Variants in SP3 observed in about 807,000 individuals in gnomAD.
SP3 encodes transcription factor Sp3.
In SP3, 10 loss-of-function variants were observed where a neutral mutation model predicts 70.3. The observed-to-expected ratio is 0.14, with a 90% CI of 0.09 to 0.24. The LOEUF is 0.24. Ranked by LOEUF, SP3 falls within the 10% of genes least tolerant of loss-of-function variation. The pLI is 1.00. For missense variants in SP3, 825 were observed against 914.6 expected, an observed-to-expected ratio of 0.90 and a Z score of 1.26; for synonymous variants, 402 against 333.5, an observed-to-expected ratio of 1.21 and a Z score of -2.24.
At chr2:173,944,655 C>T (rs1405505288) in intron 4 of SP3, among the ~76,000 whole-genome samples, 1 of 152,246 alleles carries the variant, frequency 6.6e-6, no homozygotes, top group Non-Finnish European at 1.5e-5. Context: ...TATATCAACA[C>T]TCTAATGAAG....
At chr2:173,948,355 T>A (rs1011588089) in intron 4 of SP3, among the ~76,000 whole-genome samples, 5 of 152,188 alleles carry the variant, frequency 3.3e-5, no homozygotes, top group African/African-American at 9.7e-5. Context: ...AGAAATCTCA[T>A]GCTGTCTCAT....
At chr2:173,959,496 C>T (rs1574427419) in intron 3 of SP3, among the ~76,000 whole-genome samples, 1 of 152,188 alleles carries the variant, frequency 6.6e-6, no homozygotes, top group South Asian at 2.1e-4. Context: ...GAGGCTGAGG[C>T]GGGCAGATCA....
At chr2:173,963,164 C>T (rs1691140886) in intron 3 of SP3, 1 of 148,290 alleles carries the variant, frequency 6.7e-6, no homozygotes, top group Admixed American at 6.8e-5. Context: ...GTTTCATTTA[C>T]CCCCCTTACA....
At chr2:173,948,768 A>G (rs981482126) in intron 4 of SP3, among the ~76,000 whole-genome samples, 3 of 118,690 alleles carry the variant, frequency 2.5e-5, no homozygotes, top group Non-Finnish European at 4.4e-5. Flanking sequence ...ATAAATAATT[A>G]TAAGTCTCAA....
At position 173,965,234 on chromosome 2, in the gene SP3, CGGCGGCGGCGGGAGAGGATGCGGGA is replaced by C; in HGVS notation, c.-88_-64del. On this transcript the variant is annotated 5_prime_UTR_variant, in exon 1 of 7. Coordinates refer to ENST00000310015, the MANE Select transcript of SP3 (RefSeq NM_003111.5). ...CCTTACACATGGTGAGGAGCGAAGG[CGGCGGCGGCGGGAGAGGATGCGGGA>C]AGCGGCGGCGGACACGGCCGGAGCG... is the stretch of plus-strand genomic sequence containing the variant. 6.7e-7 allele frequency: 1 copy of C among 1,497,286 alleles called. No individual in the cohort carries two copies. 92.8% of individuals were successfully genotyped at this position (1,497,286 alleles called of 1,614,324 possible).
At chr2:173,945,536 A>C (rs897895357) in intron 4 of SP3, among the ~76,000 whole-genome samples, 1 of 152,222 alleles carries the variant, frequency 6.6e-6, no homozygotes, top group African/African-American at 2.4e-5. Flanking sequence ...ACAGTATACA[A>C]GAAGTATGCT....
intron 6 of SP3, among the ~76,000 whole-genome samples, chr2:173,912,308 C>A (rs1194924855): frequency 6.6e-6 from 1 of 152,172 alleles, no homozygotes; most frequent in Non-Finnish European, 1.5e-5. Flanking sequence ...ATAGTTTATT[C>A]GCTTAACCTA....
chr2:173,958,536 G>A (rs898429088), intron 3 of SP3, among the ~76,000 whole-genome samples: 1 of 147,796 alleles, frequency 6.8e-6, no homozygotes, highest in African/African-American at 2.5e-5. Context: ...GAATAAGCCT[G>A]AAATGAAAAG....
chr2:173,945,867 C>G (rs1690520960), intron 4 of SP3, among the ~76,000 whole-genome samples: 1 of 152,118 alleles, frequency 6.6e-6, no homozygotes. Flanking sequence ...TGGCTCATGC[C>G]TTAATCCCAG....
chr2:173,919,248 A>G (rs1180969860), intron 4 of SP3, among the ~76,000 whole-genome samples: 1 of 152,206 alleles, frequency 6.6e-6, no homozygotes, highest in Non-Finnish European at 1.5e-5. Context: ...CACTAAAGAC[A>G]ATAAATTAAT....
chr2:173,910,054 C>T lies in SP3; in HGVS notation c.2233G>A (p.Val745Ile). Residue 745 changes from valine (V) to isoleucine (I), a missense_variant, in exon 7 of 7, where the codon GTT (valine) becomes ATT (isoleucine). Val to Ile is a conservative substitution (Grantham distance 29). Coordinates refer to ENST00000310015, the MANE Select transcript of SP3 (RefSeq NM_003111.5). ...GTATTAACAGTTCCTATCCCTGAAA[C>T]AGAACCTTGTTGAATATTTGCAAGG... ...LILANIQQGS[V>I]SGIGTVNTSA... 1 of 1,612,982 alleles carries T rather than the reference C, an allele frequency of 6.2e-7. No homozygotes were observed. Among genetic ancestry groups the T allele is most frequent in the Non-Finnish European group, 8.5e-7 (1 of 1,179,564 alleles).
upstream of SP3, chr2:173,965,517 C>A: frequency 3.5e-6 from 1 of 284,876 alleles, no homozygotes; most frequent in Non-Finnish European, 6.6e-6. Context: ...AGGGGAGAGA[C>A]AATGAGCGGC....
intron 4 of SP3, among the ~76,000 whole-genome samples, chr2:173,927,241 T>G (rs1022171525): frequency 3.9e-5 from 6 of 152,006 alleles, no homozygotes; most frequent in Non-Finnish European, 8.8e-5. Context: ...AACATGAGAT[T>G]TGGGTGGGAC....
rs181645560 is a variant in SP3, at chr2:173,918,520, A to G, written c.1832+73T>C. On this transcript the variant is annotated intron_variant, in intron 5 of 6. Coordinates refer to ENST00000310015, the MANE Select transcript of SP3 (RefSeq NM_003111.5). ...ATAATTTCTCATAATTAAATGACAT[A>G]GCATGCAGTATTTCAAAAATCAGAA... 1.7e-3 allele frequency: 2,292 copies of G among 1,334,774 alleles called. 4 individuals carry two copies. The highest frequency in any genetic ancestry group is 2.1e-3 in the Non-Finnish European group (2,045 of 964,480). The allele number at this position is 1,334,774 out of a possible 1,614,324, so 82.7% of individuals were successfully genotyped here.
At chr2:173,918,334 G>C (rs1364912186) in intron 5 of SP3, among the ~76,000 whole-genome samples, 1 of 151,968 alleles carries the variant, frequency 6.6e-6, no homozygotes. Flanking sequence ...GCTAATTTCT[G>C]ATCAGTGTGG....
In SP3 at chr2:173,927,421, T is replaced by C. The variant is rs144121958; in HGVS notation, c.1640-8636A>G. Among the ~76,000 whole-genome samples the C allele has an allele frequency of 9.5e-3, 1,450 of 151,916 alleles. 27 individuals are homozygous for C. The highest frequency in any genetic ancestry group is 0.033 in the African/African-American group (1,369 of 41,432). ...CCTCCCGAGTAGCTGGGACTACAAGTGTCCGCCACCACGCCCGGCTAATTT... is the reference window on the plus strand; with the variant it reads ...CCTCCCGAGTAGCTGGGACTACAAGCGTCCGCCACCACGCCCGGCTAATTT... On this transcript the variant is annotated intron_variant, in intron 4 of 6. Transcript: ENST00000310015.
At chr2:173,961,828 A>G (rs1007488732) in intron 3 of SP3, among the ~76,000 whole-genome samples, 7 of 152,108 alleles carry the variant, frequency 4.6e-5, no homozygotes, top group Admixed American at 2.0e-4. Flanking sequence ...AATTTTTAGC[A>G]AATTTTCTAT....
upstream of SP3, chr2:173,965,426 C>A (rs1047313230): frequency 3.8e-6 from 2 of 532,710 alleles, no homozygotes; most frequent in Non-Finnish European, 6.7e-6. Flanking sequence ...CCGCCGTGCT[C>A]TTTGTCGGCT....
In SP3 at chr2:173,955,944, C is replaced by T. The variant is rs1189232930; in HGVS notation, c.568G>A (p.Gly190Ser). 23 of 1,614,074 alleles carry T rather than the reference C, an allele frequency of 1.4e-5. No homozygotes were observed. Among genetic ancestry groups the T allele is most frequent in the Non-Finnish European group, 1.8e-5 (21 of 1,180,046 alleles). The change falls in exon 4 of 7, where the codon GGC (glycine) becomes AGC (serine). Residue 190 changes from glycine to serine, a missense_variant. This residue lies in a region of SP3 where 678 missense variants were observed against 651.6 expected (regional missense o/e 1.04). Transcript: ENST00000310015. ...DGQQVQIGFT[G>S]SSDNGGINQE... Reference sequence around the variant, plus strand: ...TTTATACCCCCATTATCTGAAGAGCCTGTGAAACCAATTTGAACCTGCTGA... The same window carrying T: ...TTTATACCCCCATTATCTGAAGAGCTTGTGAAACCAATTTGAACCTGCTGA...
Sources: allele counts gnomAD v4.1 joint callset (sites outside exome capture counted in the v4.1 genomes callset), GRCh38; gene constraint gnomAD v4.1.1; regional missense constraint gnomAD v4.1.1; transcripts MANE v1.5; gene names NCBI Gene and HGNC (gene_info 2026-07-23, HGNC 2026-07-21).